EMID1: variants seen among roughly 807,000 people sequenced by gnomAD.
EMID1 encodes EMI domain-containing protein 1.
In EMID1, 40 loss-of-function variants were observed where a neutral mutation model predicts 60.6. The ratio of observed to expected loss-of-function variants is 0.66; its 90% CI spans 0.51 to 0.86. The LOEUF (loss-of-function observed/expected upper bound fraction) is 0.86, where lower values mean the gene tolerates loss of function less well. EMID1 is among the 40% of genes least tolerant of loss of function. EMID1 has a pLI of 0.00. For synonymous variants in EMID1, 242 were observed against 231.0 expected (o/e 1.05, Z -0.43); for missense variants, 585 against 597.1 (o/e 0.98, Z 0.21).
At chr22:29,254,107 G>A (rs2041620763) in intron 13 of EMID1, 96 bp from the exon 14 acceptor site, 4 of 1,592,860 alleles carry the variant, frequency 2.5e-6, no homozygotes, top group Admixed American at 1.7e-5. Flanking sequence ...TGGGGCTGCA[G>A]GTGCATGTCC....
At chr22:29,221,626 G>A (rs907745824) in intron 3 of EMID1, among the ~76,000 whole-genome samples, 3 of 152,064 alleles carry the variant, frequency 2.0e-5, no homozygotes, top group Non-Finnish European at 2.9e-5. Context: ...TGCTCACCTC[G>A]GCCTCCCAAA....
intron 13 of EMID1, among the ~76,000 whole-genome samples, chr22:29,248,804 G>A (rs1487493280): frequency 9.3e-6 from 1 of 107,074 alleles, no homozygotes; most frequent in Admixed American, 8.7e-5. Context: ...TCACGCCACT[G>A]CACTCCAACC....
chr22:29,215,980 A>G (rs1011336041), intron 3 of EMID1, among the ~76,000 whole-genome samples: 1 of 152,170 alleles, frequency 6.6e-6, no homozygotes, highest in Non-Finnish European at 1.5e-5. Context: ...GCAAAGAACC[A>G]TTTTAGTCAG....
chr22:29,243,218 A>G (rs2041214677), intron 12 of EMID1, among the ~76,000 whole-genome samples: 1 of 152,154 alleles, frequency 6.6e-6, no homozygotes, highest in African/African-American at 2.4e-5. Context: ...ATTTTACCCA[A>G]TGCCATTCCC....
At chr22:29,232,194 C>G in intron 7 of EMID1, 62 bp from the exon 8 acceptor site, 4 of 1,606,024 alleles carry the variant, frequency 2.5e-6, no homozygotes, top group Non-Finnish European at 3.4e-6. Flanking sequence ...TCCTGTCGCT[C>G]AAGGCCACCC....
At position 29,232,256 on chromosome 22, in the gene EMID1, G is replaced by T. The variant is rs1468399922; in HGVS notation, c.677G>T (p.Gly226Val). 6.2e-7 allele frequency: 1 copy of T among 1,611,584 alleles called. No individual in the cohort carries two copies. The change falls in exon 8 of 15, where the codon GGT becomes GTT. Residue 226 changes from glycine (G) to valine (V), a missense_variant and splice_region_variant. Gly to Val is a moderately radical substitution (Grantham distance 109). Coordinates refer to ENST00000334018, the MANE Select transcript of EMID1 (RefSeq NM_133455.4). ...RGPMGMRGPP[G>V]PQGPPGSPGR... is the part of the protein sequence containing the mutation. Reference sequence around the variant, plus strand: ...ACAAATCCGTGTGATTCCATTGCAGGTCCACAGGGCCCCCCAGGGAGCCCT... The same window carrying T: ...ACAAATCCGTGTGATTCCATTGCAGTTCCACAGGGCCCCCCAGGGAGCCCT...
chr22:29,218,990 G>C (rs1202584923), intron 3 of EMID1, among the ~76,000 whole-genome samples: 1 of 152,190 alleles, frequency 6.6e-6, no homozygotes, highest in African/African-American at 2.4e-5. Flanking sequence ...AGGACAAGGA[G>C]AAAGAAAGCT....
At chr22:29,211,424 G>C (rs1046607438) in intron 1 of EMID1, among the ~76,000 whole-genome samples, 1 of 152,146 alleles carries the variant, frequency 6.6e-6, no homozygotes, top group African/African-American at 2.4e-5. Context: ...CATGCGTTGT[G>C]TGTACATATG....
chr22:29,230,400 A>C (rs2040689524), intron 5 of EMID1, among the ~76,000 whole-genome samples: 3 of 152,196 alleles, frequency 2.0e-5, no homozygotes, highest in South Asian at 4.1e-4. Context: ...TGGTGCTTTA[A>C]GAAATCAAGA....
intron 14 of EMID1, among the ~76,000 whole-genome samples, chr22:29,256,997 C>T (rs1040412738): frequency 6.6e-6 from 1 of 152,204 alleles, no homozygotes; most frequent in African/African-American, 2.4e-5. Context: ...CTCTCAGAAC[C>T]TTTTTAGGTG....
intron 14 of EMID1, chr22:29,255,407 C>T (rs1405280451): frequency 2.2e-6 from 3 of 1,365,792 alleles, no homozygotes; most frequent in Non-Finnish European, 2.9e-6. Flanking sequence ...CCAGGAAGGG[C>T]CTGGAAAAGG....
chr22:29,233,539 T>C, intron 9 of EMID1, 71 bp downstream of exon 9: 1 of 1,606,562 alleles, frequency 6.2e-7, no homozygotes, highest in Non-Finnish European at 8.5e-7. Flanking sequence ...TTTGTGGCTA[T>C]CAGGAGGGAG....
chr22:29,255,300 G>A, intron 14 of EMID1: 2 of 1,512,448 alleles, frequency 1.3e-6, no homozygotes, highest in South Asian at 1.3e-5. Context: ...TCCTGCAGCA[G>A]CAGGCTCAGC....
At chr22:29,218,054 TCTC>T (rs148973234) in intron 3 of EMID1, among the ~76,000 whole-genome samples, 2,548 of 152,306 alleles carry the variant, frequency 0.017, 80 homozygotes, top group African/African-American at 0.058. Context: ...GCAAGTCACT[TCTC>T]CTCTCTGAAC....
chr22:29,246,859 C>T (rs571421297), intron 13 of EMID1, among the ~76,000 whole-genome samples: 1 of 152,270 alleles, frequency 6.6e-6, no homozygotes, highest in South Asian at 2.1e-4. Flanking sequence ...CACAATGTGT[C>T]CCAGGCTGGT....
intron 13 of EMID1, among the ~76,000 whole-genome samples, chr22:29,252,314 G>A (rs545094636): frequency 2.0e-5 from 3 of 152,338 alleles, no homozygotes; most frequent in African/African-American, 4.8e-5. Flanking sequence ...CATATTGAGA[G>A]ACCTCTTAGT....
chr22:29,206,011 G>A lies in EMID1; in HGVS notation c.-28G>A. 2 of 1,201,568 alleles carry A rather than the reference G, an allele frequency of 1.7e-6. No homozygotes were observed. Among genetic ancestry groups the A allele is most frequent in the Non-Finnish European group, 2.1e-6 (2 of 967,826 alleles). 74.4% of individuals were successfully genotyped at this position (1,201,568 alleles called of 1,614,324 possible). On this transcript the variant is annotated 5_prime_UTR_variant, in exon 1 of 15. Coordinates refer to ENST00000334018, the MANE Select transcript of EMID1 (RefSeq NM_133455.4). ...AGGCTGGGGGCGGCGACCGCGAGGGGCCGCGCGCGGAGGGCGCCTGGTGCA... is the reference window on the plus strand; with the variant it reads ...AGGCTGGGGGCGGCGACCGCGAGGGACCGCGCGCGGAGGGCGCCTGGTGCA...
chr22:29,254,309 G>A, intron 14 of EMID1, 22 bp downstream of exon 14: 1 of 1,609,528 alleles, frequency 6.2e-7, no homozygotes, highest in Non-Finnish European at 8.5e-7. Context: ...CAGACAGACG[G>A]ACAGACGGCC....
Position 29,258,978 on chromosome 22 carries a change from G to A in EMID1, c.*34G>A. 1 of 1,600,748 alleles carries A rather than the reference G, an allele frequency of 6.2e-7. No homozygotes were observed. Among genetic ancestry groups the A allele is most frequent in the South Asian group, 1.1e-5 (1 of 89,646 alleles). ...GCGGCCCCTGAGGCAGACCAGGCCAGGCTTCCCCTCCTACCTGGACTCGGC... is the reference window on the plus strand; with the variant it reads ...GCGGCCCCTGAGGCAGACCAGGCCAAGCTTCCCCTCCTACCTGGACTCGGC... On this transcript the variant is annotated 3_prime_UTR_variant, in exon 15 of 15. Coordinates refer to ENST00000334018, the MANE Select transcript of EMID1 (RefSeq NM_133455.4).
Sources: allele counts gnomAD v4.1 joint callset (sites outside exome capture counted in the v4.1 genomes callset), GRCh38; gene constraint gnomAD v4.1.1; transcripts MANE v1.5; gene names NCBI Gene and HGNC (gene_info 2026-07-23, HGNC 2026-07-21).